The following POU6F2 variants were observed in gnomAD, a reference collection of about 807,000 sequenced individuals.
POU6F2 encodes POU class 6 homeobox 2, also known as POU domain, class 6, transcription factor 2.
In POU6F2, 31 loss-of-function variants were observed where a neutral mutation model predicts 71.3. The observed-to-expected ratio is 0.43, with a 90% CI of 0.33 to 0.59. The LOEUF is 0.59. Ranked by LOEUF, POU6F2 falls within the 20% of genes least tolerant of loss-of-function variation. The pLI, the probability that POU6F2 is intolerant of heterozygous loss-of-function variation, is 0.04. For synonymous variants in POU6F2, 347 were observed against 355.7 expected, an observed-to-expected ratio of 0.98 and a Z score of 0.27; for missense variants, 783 against 856.8, an observed-to-expected ratio of 0.91 and a Z score of 1.07.
chr7:39,274,034 T>TG (rs1228152917), intron 4 of POU6F2, among the ~76,000 whole-genome samples: 3 of 152,188 alleles, frequency 2.0e-5, no homozygotes, highest in Non-Finnish European at 4.4e-5. Flanking sequence ...AACAGTTGTA[T>TG]TCAAGAATTT....
Position 39,467,731 on chromosome 7 carries a change from A to T in POU6F2, c.*3045A>T, listed in dbSNP as rs532939752. 4.6e-5 allele frequency: 7 copies of T among 152,318 alleles called. No homozygotes were observed. Among genetic ancestry groups the T allele is most frequent in the Non-Finnish European group, 8.8e-5 (6 of 68,024 alleles). The allele number at this position is 152,318 out of a possible 1,614,324, so 9.4% of individuals were successfully genotyped here. On this transcript the variant is annotated 3_prime_UTR_variant, in exon 10 of 10. Transcript: ENST00000518318. ...ATGCACACACACATACACATACAAC[A>T]CAAAAGAGAGAACAAAAAAGCAAAA...
At chr7:39,200,991 C>T (rs1344621558) in intron 2 of POU6F2, among the ~76,000 whole-genome samples, 1 of 152,110 alleles carries the variant, frequency 6.6e-6, no homozygotes, top group Non-Finnish European at 1.5e-5. Context: ...CACACCACTG[C>T]ACTCTCGCTG....
intron 4 of POU6F2, among the ~76,000 whole-genome samples, chr7:39,230,001 C>T (rs1032874505): frequency 1.3e-5 from 2 of 152,198 alleles, no homozygotes; most frequent in African/African-American, 2.4e-5. Context: ...TGGTAGTCAA[C>T]CAAGGCACAG....
intron 4 of POU6F2, among the ~76,000 whole-genome samples, chr7:39,242,074 T>C (rs1783735609): frequency 6.6e-6 from 1 of 152,220 alleles, no homozygotes; most frequent in Non-Finnish European, 1.5e-5. Flanking sequence ...AAGGTTTCAC[T>C]GTGTGGATAT....
intron 2 of POU6F2, among the ~76,000 whole-genome samples, chr7:39,161,879 C>T (rs558204224): frequency 6.6e-6 from 1 of 152,316 alleles, no homozygotes; most frequent in Admixed American, 6.5e-5. Flanking sequence ...GGTGTCTTCT[C>T]ATGTGTCGTC....
At chr7:39,426,292 C>A (rs147905637) in intron 6 of POU6F2, among the ~76,000 whole-genome samples, 38 of 152,318 alleles carry the variant, frequency 2.5e-4, no homozygotes, top group Middle Eastern at 6.8e-3. Context: ...TGAGGCCCAG[C>A]TGAGACCTTT....
chr7:39,427,593 A>G (rs1198169452), intron 6 of POU6F2, among the ~76,000 whole-genome samples: 3 of 152,214 alleles, frequency 2.0e-5, no homozygotes, highest in South Asian at 4.1e-4. Flanking sequence ...GATACCAAAC[A>G]GTATCAAGAA....
chr7:39,418,636 G>A (rs1040203712), intron 6 of POU6F2, among the ~76,000 whole-genome samples: 1 of 151,698 alleles, frequency 6.6e-6, no homozygotes, highest in African/African-American at 2.4e-5. Flanking sequence ...GTTGCAGTGA[G>A]CTGAGATCGC....
chr7:39,159,764 A>G (rs1432702909), intron 2 of POU6F2, among the ~76,000 whole-genome samples: 1 of 152,180 alleles, frequency 6.6e-6, no homozygotes, highest in Non-Finnish European at 1.5e-5. Context: ...AGAAGTAAAT[A>G]GGCAAACTGT....
At chr7:39,304,068 C>A (rs900038092) in intron 4 of POU6F2, among the ~76,000 whole-genome samples, 4 of 151,942 alleles carry the variant, frequency 2.6e-5, no homozygotes, top group African/African-American at 9.7e-5. Context: ...GTTTCTAGAA[C>A]TAAAAGCAAA....
intron 2 of POU6F2, 67 bp from the exon 3 acceptor site, chr7:39,204,168 A>G: frequency 2.2e-6 from 3 of 1,340,624 alleles, no homozygotes; most frequent in South Asian, 2.4e-5. Flanking sequence ...CTATGCCTTA[A>G]TGTTATGTGA....
At chr7:39,342,619 T>G (rs3823619) in intron 5 of POU6F2, among the ~76,000 whole-genome samples, 2 of 152,144 alleles carry the variant, frequency 1.3e-5, no homozygotes, top group Admixed American at 6.5e-5. Context: ...AACAAAACTT[T>G]GGAGGACAAC....
At chr7:39,250,139 T>G (rs1017510860) in intron 4 of POU6F2, among the ~76,000 whole-genome samples, 3 of 152,112 alleles carry the variant, frequency 2.0e-5, no homozygotes, top group African/African-American at 7.2e-5. Context: ...TCTCCTGCAT[T>G]TTCACGTGTC....
chr7:38,979,962 A>G (rs2116582020), intron 1 of POU6F2, among the ~76,000 whole-genome samples: 1 of 152,288 alleles, frequency 6.6e-6, no homozygotes, highest in South Asian at 2.1e-4. Context: ...AGGCTCAGGT[A>G]TATACTTAAA....
chr7:39,391,320 A>T (rs981065488), intron 5 of POU6F2, among the ~76,000 whole-genome samples: 4 of 152,068 alleles, frequency 2.6e-5, no homozygotes, highest in African/African-American at 7.2e-5. Context: ...TATTTCCTAT[A>T]TAATAATTAT....
intron 4 of POU6F2, among the ~76,000 whole-genome samples, chr7:39,288,207 AG>A (rs1784685962): frequency 6.6e-6 from 1 of 152,200 alleles, no homozygotes; most frequent in African/African-American, 2.4e-5. Flanking sequence ...TTAACAATTC[AG>A]GGGACTATTT....
At chr7:39,071,541 T>G (rs1790879617) in intron 1 of POU6F2, among the ~76,000 whole-genome samples, 1 of 151,870 alleles carries the variant, frequency 6.6e-6, no homozygotes, top group South Asian at 2.1e-4. Flanking sequence ...AAGCCAGGTA[T>G]GGTGACTGAC....
intron 1 of POU6F2, among the ~76,000 whole-genome samples, chr7:39,020,334 T>C (rs1256931766): frequency 1.3e-5 from 2 of 152,194 alleles, no homozygotes; most frequent in African/African-American, 4.8e-5. Context: ...CTTCAAGATA[T>C]TGTTATACAA....
chr7:39,179,533 GCA>G (rs564316167), intron 2 of POU6F2, among the ~76,000 whole-genome samples: 2,717 of 151,478 alleles, frequency 0.018, 68 homozygotes, highest in African/African-American at 0.06. Context: ...GCACATGCGC[GCA>G]CACACACACA....
Sources: allele counts gnomAD v4.1 joint callset (sites outside exome capture counted in the v4.1 genomes callset), GRCh38; gene constraint gnomAD v4.1.1; transcripts MANE v1.5; gene names NCBI Gene and HGNC (gene_info 2026-07-23, HGNC 2026-07-21).